The following UTS2B variants were observed in gnomAD, a reference collection of about 807,000 sequenced individuals.
The protein encoded by UTS2B is urotensin 2B.
UTS2B carries 21 observed loss-of-function variants against 19.2 expected under a neutral mutation model. The observed-to-expected ratio is 1.09, with a 90% CI of 0.78 to 1.58. The LOEUF (loss-of-function observed/expected upper bound fraction) is 1.58. Ranked by LOEUF, UTS2B falls within the 40% of genes most tolerant of loss-of-function variation. The pLI is 0.00. For synonymous variants in UTS2B, 57 were observed against 50.2 expected (o/e 1.14, Z -0.58); for missense variants, 138 against 130.3 (o/e 1.06, Z -0.29).
At chr3:191,281,621 T>C (rs1716387133) in intron 5 of UTS2B, among the ~76,000 whole-genome samples, 1 of 86,928 alleles carries the variant, frequency 1.2e-5, no homozygotes, top group African/African-American at 3.1e-5. Context: ...TCCTCAAATC[T>C]CTGCAAATAC....
intron 3 of UTS2B, among the ~76,000 whole-genome samples, chr3:191,314,400 T>C (rs928217214): frequency 2.6e-5 from 4 of 152,130 alleles, no homozygotes; most frequent in African/African-American, 9.7e-5. Flanking sequence ...GACTCTACTT[T>C]CCTCATAAAA....
chr3:191,330,059 T>TA (rs1251269297), intron 1 of UTS2B, among the ~76,000 whole-genome samples: 1 of 151,830 alleles, frequency 6.6e-6, no homozygotes, highest in East Asian at 1.9e-4. Context: ...ACTCCGCTTC[T>TA]AAAAAATCGA....
chr3:191,293,761 A>T (rs1716777443), intron 4 of UTS2B, among the ~76,000 whole-genome samples: 1 of 151,932 alleles, frequency 6.6e-6, no homozygotes, highest in South Asian at 2.1e-4. Flanking sequence ...GTCTATTTTC[A>T]AGCAGTATCT....
At chr3:191,289,447 TAAA>T (rs1196956499) in intron 4 of UTS2B, among the ~76,000 whole-genome samples, 1 of 144,584 alleles carries the variant, frequency 6.9e-6, no homozygotes, top group Non-Finnish European at 1.5e-5. Flanking sequence ...AATAAATAAA[TAAA>T]AAACAAACGA....
chr3:191,319,900 A>T (rs1390129254), intron 2 of UTS2B, among the ~76,000 whole-genome samples: 43 of 145,132 alleles, frequency 3.0e-4, no homozygotes, highest in Admixed American at 4.1e-4. Context: ...TTTTTTTTTT[A>T]AAAACCTTAC....
intron 2 of UTS2B, among the ~76,000 whole-genome samples, chr3:191,324,636 C>T (rs532571527): frequency 7.9e-4 from 120 of 152,328 alleles, no homozygotes; most frequent in African/African-American, 2.7e-3. Flanking sequence ...GATTGTGAGG[C>T]CTCCCCAGCC....
At chr3:191,335,916 T>A in the UTS2B span, among the ~76,000 whole-genome samples, 1 of 151,266 alleles carries the variant, frequency 6.6e-6, no homozygotes, top group African/African-American at 2.4e-5. Context: ...ACCCCCAAAC[T>A]TCTCAACCCC....
intron 8 of UTS2B, among the ~76,000 whole-genome samples, chr3:191,271,190 G>A (rs933214978): frequency 1.8e-5 from 2 of 111,462 alleles, no homozygotes; most frequent in Non-Finnish European, 3.3e-5. Context: ...GTGACAGAGT[G>A]AGACTCTCTC....
intron 4 of UTS2B, among the ~76,000 whole-genome samples, chr3:191,302,513 G>A (rs1315010908): frequency 6.6e-6 from 1 of 152,018 alleles, no homozygotes; most frequent in Middle Eastern, 3.2e-3. Flanking sequence ...TTCCTTCCTG[G>A]GCAAAGCCAT....
intron 4 of UTS2B, among the ~76,000 whole-genome samples, chr3:191,298,739 G>A (rs1716920476): frequency 6.6e-6 from 1 of 152,194 alleles, no homozygotes; most frequent in Admixed American, 6.5e-5. Flanking sequence ...TTGGAAGAGT[G>A]TGGAGGGCTC....
intron 4 of UTS2B, chr3:191,294,830 A>C (rs1716814530): frequency 6.6e-6 from 1 of 151,656 alleles, no homozygotes; most frequent in Admixed American, 6.6e-5. Context: ...GTAGTTCGAG[A>C]CCAGCCTGAA....
At chr3:191,296,532 A>G (rs574737344) in intron 4 of UTS2B, among the ~76,000 whole-genome samples, 1 of 152,348 alleles carries the variant, frequency 6.6e-6, no homozygotes, top group Admixed American at 6.5e-5. Flanking sequence ...CTGTGAACAT[A>G]CGGTTACTAT....
At chr3:191,297,283 C>T (rs921758063) in intron 4 of UTS2B, among the ~76,000 whole-genome samples, 3 of 152,124 alleles carry the variant, frequency 2.0e-5, no homozygotes, top group South Asian at 2.1e-4. Flanking sequence ...TCTTCTCTCA[C>T]ACTCATTTCA....
intron 8 of UTS2B, among the ~76,000 whole-genome samples, chr3:191,272,872 A>C (rs1255854195): frequency 1.3e-5 from 2 of 150,204 alleles, no homozygotes; most frequent in Non-Finnish European, 3.0e-5. Flanking sequence ...TAAAAAAAAA[A>C]AAAAAAAATG....
chr3:191,306,092 G>T (rs530504123), intron 3 of UTS2B, among the ~76,000 whole-genome samples: 1 of 152,092 alleles, frequency 6.6e-6, no homozygotes, highest in Non-Finnish European at 1.5e-5. Context: ...GTTTGAAGTC[G>T]CTGAGTGTGA....
rs115947666 is a variant in UTS2B at position 191,318,815 on chromosome 3, T to C, written c.-585-2376A>G. 4.5e-3 allele frequency among the ~76,000 whole-genome samples: 679 copies of C among 152,322 alleles called. 7 individuals carry two copies. Among genetic ancestry groups the C allele is most frequent in the African/African-American group, 0.016 (648 of 41,566 alleles). ...TTTCCCTCCATACATAGTTGTTTTT[T>C]GTTTTTGTTTTTGTTTTTTGTAACC... On this transcript the variant is annotated intron_variant, in intron 2 of 8. Coordinates refer to ENST00000340524, the MANE Select transcript of UTS2B (RefSeq NM_198152.5).
upstream of UTS2B, among the ~76,000 whole-genome samples, chr3:191,335,335 T>C (rs1711502885): frequency 6.6e-6 from 1 of 152,210 alleles, no homozygotes; most frequent in Non-Finnish European, 1.5e-5. Flanking sequence ...AGGTAGCCAC[T>C]GGAAGTGCCA....
chr3:191,279,654 C>A (rs1716328076), intron 5 of UTS2B, among the ~76,000 whole-genome samples: 1 of 151,892 alleles, frequency 6.6e-6, no homozygotes, highest in African/African-American at 2.4e-5. Context: ...TTTCAAAAAA[C>A]AAAACTGATA....
At chr3:191,291,080 TAA>T (rs1423705835) in intron 4 of UTS2B, among the ~76,000 whole-genome samples, 7 of 152,176 alleles carry the variant, frequency 4.6e-5, no homozygotes, top group African/African-American at 1.7e-4. Flanking sequence ...TTTTTTCATT[TAA>T]AAGAGTTAAC....
Sources: gnomAD v4.1 joint callset for allele counts (sites outside exome capture counted in the v4.1 genomes callset) on GRCh38, gnomAD v4.1.1 for gene constraint, MANE v1.5 for transcripts, NCBI Gene and HGNC (gene_info 2026-07-23, HGNC 2026-07-21) for gene names.